CAST: variants seen among roughly 807,000 people sequenced by gnomAD.
CAST encodes MIR583 host.
A neutral mutation model predicts 119.6 loss-of-function variants in CAST; 76 were observed. The ratio of observed to expected loss-of-function variants is 0.64; its 90% CI spans 0.53 to 0.77. CAST has a LOEUF of 0.77. CAST is among the 30% of genes least tolerant of loss of function. The probability of loss-of-function intolerance (pLI) is 0.00; values close to 1 mark genes in which losing one functional copy is unlikely to be tolerated. For synonymous variants in CAST, 319 were observed against 331.6 expected, an observed-to-expected ratio of 0.96 and a Z score of 0.41; for missense variants, 953 against 946.5, an observed-to-expected ratio of 1.01 and a Z score of -0.09.
chr5:96,401,250 G>A, the CAST span, among the ~76,000 whole-genome samples: 1 of 152,182 alleles, frequency 6.6e-6, no homozygotes, highest in Admixed American at 6.5e-5. Context: ...AAAACTTTGT[G>A]GGGGAGAAAT....
At chr5:96,010,109 G>A in the CAST span, among the ~76,000 whole-genome samples, 1 of 152,062 alleles carries the variant, frequency 6.6e-6, no homozygotes, top group Non-Finnish European at 1.5e-5. Context: ...TTATAGGCAT[G>A]GGGCTTTATT....
the CAST span, chr5:96,434,076 C>T: frequency 6.6e-6 from 1 of 151,814 alleles, no homozygotes; most frequent in East Asian, 1.9e-4. Flanking sequence ...CTCGACTTTC[C>T]ATTGTGCCTC....
the CAST span, among the ~76,000 whole-genome samples, chr5:96,227,145 TTAA>T: frequency 1.3e-5 from 2 of 152,150 alleles, no homozygotes; most frequent in African/African-American, 4.8e-5. Context: ...GAGGGTGCTT[TTAA>T]TAATAAGAGG....
intron 1 of CAST, among the ~76,000 whole-genome samples, chr5:96,656,101 G>T (rs1748154733): frequency 6.6e-6 from 1 of 152,148 alleles, no homozygotes; most frequent in Admixed American, 6.5e-5. Context: ...AGATAATGAA[G>T]AATTGTTCCA....
At chr5:96,370,997 T>G in the CAST span, among the ~76,000 whole-genome samples, 2 of 152,136 alleles carry the variant, frequency 1.3e-5, no homozygotes, top group African/African-American at 2.4e-5. Flanking sequence ...TCTTTACATT[T>G]AAAGGAAATG....
the CAST span, among the ~76,000 whole-genome samples, chr5:96,038,240 G>T: frequency 6.6e-6 from 1 of 152,122 alleles, no homozygotes; most frequent in Non-Finnish European, 1.5e-5. Flanking sequence ...TATGGGCTAG[G>T]AATCTTTGCA....
chr5:96,366,154 C>G, the CAST span, among the ~76,000 whole-genome samples: 2 of 152,142 alleles, frequency 1.3e-5, no homozygotes, highest in Admixed American at 6.5e-5. Context: ...TGAATATTGG[C>G]CCCCACCCTC....
the CAST span, among the ~76,000 whole-genome samples, chr5:96,488,993 A>G: frequency 6.6e-6 from 1 of 152,238 alleles, no homozygotes; most frequent in African/African-American, 2.4e-5. Flanking sequence ...GGAAGAGGGC[A>G]TAGAATGGAG....
At chr5:96,408,701 A>G in the CAST span, among the ~76,000 whole-genome samples, 1 of 152,254 alleles carries the variant, frequency 6.6e-6, no homozygotes, top group African/African-American at 2.4e-5. Flanking sequence ...GCATATTTAG[A>G]AATTCTGTCT....
At chr5:96,716,353 C>G (rs972212091) in intron 3 of CAST, among the ~76,000 whole-genome samples, 5 of 152,152 alleles carry the variant, frequency 3.3e-5, no homozygotes, top group Non-Finnish European at 5.9e-5. Flanking sequence ...TTGCGTTATT[C>G]TAATCAGTTT....
the CAST span, among the ~76,000 whole-genome samples, chr5:95,981,889 A>AAGCATTTTATTTGGAAATAATTATAG: frequency 3.3e-5 from 5 of 152,084 alleles, no homozygotes; most frequent in Non-Finnish European, 7.4e-5. Context: ...AAAGAAAAAA[A>AAGCATTTTATTTGGAAATAATTATAG]AGCATTTTAT....
intron 1 of CAST, among the ~76,000 whole-genome samples, chr5:96,587,285 A>G (rs1746877818): frequency 6.6e-6 from 1 of 152,226 alleles, no homozygotes; most frequent in African/African-American, 2.4e-5. Context: ...GGTCTATAGC[A>G]TGTGCCTAGA....
At chr5:96,053,337 C>A in the CAST span, among the ~76,000 whole-genome samples, 13 of 152,130 alleles carry the variant, frequency 8.5e-5, no homozygotes, top group Non-Finnish European at 1.8e-4. Flanking sequence ...AATTCAATGA[C>A]CTCTAGACTT....
At chr5:96,748,429 A>C in intron 18 of CAST, 89 bp from the exon 19 acceptor site, 1 of 597,734 alleles carries the variant, frequency 1.7e-6, no homozygotes, top group Non-Finnish European at 3.0e-6. Flanking sequence ...CATATGTGTT[A>C]ATCAGGAAAA....
At chr5:96,458,214 T>G in the CAST span, among the ~76,000 whole-genome samples, 1 of 152,328 alleles carries the variant, frequency 6.6e-6, no homozygotes, top group East Asian at 1.9e-4. Context: ...GTTAGAAAAT[T>G]CAAATTTCAA....
chr5:96,603,370 T>C (rs958986047), intron 1 of CAST, among the ~76,000 whole-genome samples: 15 of 152,226 alleles, frequency 9.9e-5, no homozygotes, highest in South Asian at 2.1e-4. Flanking sequence ...TCATATCTTA[T>C]AAGCTTTTTT....
chr5:96,554,247 A>C (rs925642256), intron 1 of CAST, among the ~76,000 whole-genome samples: 6 of 152,068 alleles, frequency 3.9e-5, no homozygotes, highest in African/African-American at 1.4e-4. Flanking sequence ...CAGAAATAAC[A>C]CCACACATCT....
intron 1 of CAST, among the ~76,000 whole-genome samples, chr5:96,612,425 A>G (rs1231766525): frequency 6.6e-6 from 1 of 152,186 alleles, no homozygotes; most frequent in East Asian, 1.9e-4. Flanking sequence ...TAAGGACTCC[A>G]AAACAGGGAG....
In CAST at chr5:96,586,264, T is replaced by C. The variant is rs1344176655; in HGVS notation, c.60+56384T>C. On this transcript the variant is annotated intron_variant, in intron 1 of 11. Transcript: ENST00000505143. Reference sequence around the variant, plus strand: ...CTACTTGTGAATGGCTCCTTTTTTTTCCCCTGTGGCTAGAAATATGTTTTT... The same window carrying C: ...CTACTTGTGAATGGCTCCTTTTTTTCCCCCTGTGGCTAGAAATATGTTTTT... 5.9e-5 allele frequency among the ~76,000 whole-genome samples: 9 copies of C among 152,228 alleles called. No individual in the cohort carries two copies. In the East Asian group the frequency reaches 7.7e-4, roughly 13 times the overall value.
Sources: gnomAD v4.1 joint callset for allele counts (sites outside exome capture counted in the v4.1 genomes callset) on GRCh38, gnomAD v4.1.1 for gene constraint, MANE v1.5 for transcripts, NCBI Gene and HGNC (gene_info 2026-07-23, HGNC 2026-07-21) for gene names.